The following GPSM2 variants were observed in gnomAD, a reference collection of about 807,000 sequenced individuals.
GPSM2 encodes the protein G protein-signaling modulator 2.
GPSM2 carries 58 observed loss-of-function variants against 78.4 expected under a neutral mutation model. The ratio of observed to expected loss-of-function variants is 0.74; its 90% CI spans 0.60 to 0.92. GPSM2 has a LOEUF of 0.92. GPSM2 is among the 40% of genes least tolerant of loss of function. GPSM2 has a pLI of 0.00. For missense variants in GPSM2, 700 were observed against 815.5 expected, an observed-to-expected ratio of 0.86 and a Z score of 1.73; for synonymous variants, 224 against 280.2, an observed-to-expected ratio of 0.80 and a Z score of 2.00.
At chr1:108,893,379 C>T (rs1333644836) in intron 2 of GPSM2, among the ~76,000 whole-genome samples, 2 of 152,162 alleles carry the variant, frequency 1.3e-5, no homozygotes, top group Non-Finnish European at 2.9e-5. Context: ...CTCACTTCCC[C>T]CTCAGTGAAA....
At chr1:108,905,320 A>G (rs139743320) in intron 10 of GPSM2, among the ~76,000 whole-genome samples, 83 of 152,348 alleles carry the variant, frequency 5.4e-4, no homozygotes, top group African/African-American at 1.9e-3. Flanking sequence ...TCGCTCTTAT[A>G]ACAAAACCTG....
chr1:108,887,011 C>T (rs182535412), intron 2 of GPSM2, among the ~76,000 whole-genome samples: 111 of 152,058 alleles, frequency 7.3e-4, no homozygotes, highest in African/African-American at 2.5e-3. Context: ...CTCAGCTTCC[C>T]GAGTAGCTGG....
At chr1:108,927,969 G>GA (rs990549218) in intron 14 of GPSM2, among the ~76,000 whole-genome samples, 1 of 151,438 alleles carries the variant, frequency 6.6e-6, no homozygotes, top group Non-Finnish European at 1.5e-5. Context: ...TCTCTAAAGG[G>GA]AAAAAAAAGG....
At chr1:108,918,565 G>T (rs1389510186) in intron 11 of GPSM2, 48 bp from the exon 12 acceptor site, 1 of 1,348,326 alleles carries the variant, frequency 7.4e-7, no homozygotes, top group East Asian at 2.3e-5. Flanking sequence ...AAGAGAGCTG[G>T]GGATTTGGGG....
rs1570975231 is a variant in GPSM2, at chr1:108,929,550, A to T, written c.1816-151A>T. 7.1e-6 allele frequency: 5 copies of T among 707,578 alleles called. No individual in the cohort carries two copies. In the East Asian group the frequency reaches 1.3e-4, roughly 19 times the overall value. The allele number at this position is 707,578 out of a possible 1,614,324, so 43.8% of individuals were successfully genotyped here. On this transcript the variant is annotated intron_variant, in intron 14 of 14. Coordinates refer to ENST00000264126, the MANE Select transcript of GPSM2 (RefSeq NM_013296.5). ...TCTTTCAGAAATCAGGCTGGGAACTAAAGAGAACAATATAAAAACAAAGAT... is the reference window on the plus strand; with the variant it reads ...TCTTTCAGAAATCAGGCTGGGAACTTAAGAGAACAATATAAAAACAAAGAT...
At chr1:108,883,417 G>A (rs1262764608) in intron 1 of GPSM2, among the ~76,000 whole-genome samples, 1 of 152,148 alleles carries the variant, frequency 6.6e-6, no homozygotes, top group Non-Finnish European at 1.5e-5. Context: ...AGAACAAATG[G>A]GTAGAAATGG....
chr1:108,909,554 A>G (rs751880609), intron 10 of GPSM2: 2 of 152,162 alleles, frequency 1.3e-5, no homozygotes, highest in Non-Finnish European at 2.9e-5. Context: ...TATTGTTTCA[A>G]TTTTGTGGCA....
Position 108,877,231 on chromosome 1 carries a change from G to A in GPSM2, c.-249+3G>A, listed in dbSNP as rs1464377605. On this transcript the variant is annotated splice_donor_region_variant and intron_variant, in intron 1 of 14. Coordinates refer to ENST00000264126, the MANE Select transcript of GPSM2 (RefSeq NM_013296.5). ...CGGGACCCGCCCGCCCGCGGGAGGT[G>A]AGCGCTTCCGCGACGCGGGTTCTGA... The A allele has an allele frequency of 6.6e-6, 1 of 152,218 alleles. No homozygotes were observed. The highest frequency in any genetic ancestry group is 1.9e-4 in the East Asian group (1 of 5,178). The allele number at this position is 152,218 out of a possible 1,614,324, so 9.4% of individuals were successfully genotyped here.
At chr1:108,907,423 C>T (rs1263358149) in intron 10 of GPSM2, among the ~76,000 whole-genome samples, 3 of 152,066 alleles carry the variant, frequency 2.0e-5, no homozygotes, top group Non-Finnish European at 4.4e-5. Context: ...GGAAAGGCAT[C>T]CTTGATTCCA....
chr1:108,922,261 A>T (rs1045725852), intron 12 of GPSM2, among the ~76,000 whole-genome samples, 156 bp from the exon 13 acceptor site: 1 of 152,212 alleles, frequency 6.6e-6, no homozygotes, highest in Non-Finnish European at 1.5e-5. Context: ...ATAACATTTT[A>T]TTACCAATAT....
At chr1:108,877,895 G>A (rs1279471090) in intron 1 of GPSM2, 1 of 152,178 alleles carries the variant, frequency 6.6e-6, no homozygotes, top group Non-Finnish European at 1.5e-5. Flanking sequence ...TGAACTAGTA[G>A]CATTTGAACT....
intron 14 of GPSM2, among the ~76,000 whole-genome samples, chr1:108,928,333 A>G (rs1651315827): frequency 6.6e-6 from 1 of 152,246 alleles, no homozygotes; most frequent in Non-Finnish European, 1.5e-5. Flanking sequence ...AGGACATTCA[A>G]TCAGAGGAAG....
chr1:108,913,980 C>T (rs2101499873), intron 10 of GPSM2, among the ~76,000 whole-genome samples: 1 of 152,202 alleles, frequency 6.6e-6, no homozygotes, highest in African/African-American at 2.4e-5. Flanking sequence ...CAGCCTTTTC[C>T]TTCTGTTATA....
chr1:108,899,042 CATTA>C (rs1648598834), intron 7 of GPSM2, 48 bp downstream of exon 7: 2 of 1,092,884 alleles, frequency 1.8e-6, no homozygotes, highest in East Asian at 2.4e-5. Flanking sequence ...TACTCAGTCC[CATTA>C]ATTCATAGGC....
rs565013128 is a variant in GPSM2, at chr1:108,920,021, C to A, written c.1440+1232C>A. Among the ~76,000 whole-genome samples the A allele has an allele frequency of 4.6e-5, 7 of 151,980 alleles. No homozygotes were observed. The South Asian group carries it at 1.0e-3, about 23-fold the overall frequency. ...TCTCTACCAAAAATACAAAAAATAA[C>A]CTGGGTGTGGTGGCACACACCTGTG... On this transcript the variant is annotated intron_variant, in intron 12 of 14. Coordinates refer to ENST00000264126, the MANE Select transcript of GPSM2 (RefSeq NM_013296.5).
intron 10 of GPSM2, 111 bp from the exon 11 acceptor site, chr1:108,914,227 C>T (rs745905313): frequency 2.8e-4 from 200 of 714,506 alleles, no homozygotes; most frequent in Non-Finnish European, 5.3e-5. Context: ...CAGGTTTTCT[C>T]GTTTCATATG....
chr1:108,934,460 A>C lies in GPSM2; in HGVS notation c.*4520A>C, dbSNP rs1417614911. 5.6e-6 allele frequency: 3 copies of C among 537,654 alleles called. No individual in the cohort carries two copies. The highest frequency in any genetic ancestry group is 9.6e-6 in the Non-Finnish European group (3 of 312,086). The allele number at this position is 537,654 out of a possible 1,614,324, so 33.3% of individuals were successfully genotyped here. On this transcript the variant is annotated 3_prime_UTR_variant, in exon 15 of 15. Coordinates refer to ENST00000264126, the MANE Select transcript of GPSM2 (RefSeq NM_013296.5). ...TTACTTTATGGGATGTAAATATCAA[A>C]GAGAAGATGAAATGAAAAGCTTTTA...
At chr1:108,888,574 A>G (rs1230054069) in intron 2 of GPSM2, among the ~76,000 whole-genome samples, 1 of 152,190 alleles carries the variant, frequency 6.6e-6, no homozygotes, top group African/African-American at 2.4e-5. Flanking sequence ...TCCTGGGCTC[A>G]AGCAGTCCAC....
chr1:108,907,306 T>C (rs1488680159), intron 10 of GPSM2, among the ~76,000 whole-genome samples: 1 of 152,248 alleles, frequency 6.6e-6, no homozygotes, highest in Admixed American at 6.5e-5. Flanking sequence ...GTTTGGAATT[T>C]GATTTATACC....
Sources: allele counts gnomAD v4.1 joint callset (sites outside exome capture counted in the v4.1 genomes callset), GRCh38; gene constraint gnomAD v4.1.1; transcripts MANE v1.5; gene names NCBI Gene and HGNC (gene_info 2026-07-23, HGNC 2026-07-21).